Variants in UGT1A10 observed in about 807,000 individuals in gnomAD.
UGT1A10 encodes UDP glucuronosyltransferase family 1 member A10.
UGT1A10 carries 49 observed loss-of-function variants against 45.8 expected under a neutral mutation model. That is an observed-to-expected ratio of 1.07 (90% CI 0.85 to 1.36). UGT1A10 has a LOEUF of 1.36. Among genes scored for constraint, UGT1A10 ranks in the 40% most tolerant of loss-of-function variants. The pLI, the probability that UGT1A10 is intolerant of heterozygous loss-of-function variation, is 0.00. For missense variants in UGT1A10, 745 were observed against 668.6 expected (o/e 1.11, Z -1.26); for synonymous variants, 284 against 249.7 (o/e 1.14, Z -1.29).
rs773213473 is a variant in UGT1A10 at position 233,743,806 on chromosome 2, C to T, written c.856-23228C>T. 2.9e-6 allele frequency: 4 copies of T among 1,367,218 alleles called. No individual in the cohort carries two copies. The South Asian group carries it at 4.5e-5, about 16-fold the overall frequency. The allele number at this position is 1,367,218 out of a possible 1,614,324, so 84.7% of individuals were successfully genotyped here. On this transcript the variant is annotated intron_variant, in intron 1 of 4. Coordinates refer to ENST00000344644, the MANE Select transcript of UGT1A10 (RefSeq NM_019075.4). ...ATCTCCTCTCCGCTTCCTCCTTGTT[C>T]TCAGGGTTTTTGTCGGGGTGCCACT...
At chr2:233,755,961 C>T (rs1443749544) in intron 1 of UGT1A10, 1 of 152,160 alleles carries the variant, frequency 6.6e-6, no homozygotes, top group Non-Finnish European at 1.5e-5. Flanking sequence ...TAGTACTTGG[C>T]TCTATAGAGA....
At chr2:233,757,561 T>TATATATATATATATATATATATATAC (rs71058576) in intron 1 of UGT1A10, among the ~76,000 whole-genome samples, 1 of 121,178 alleles carries the variant, frequency 8.3e-6, no homozygotes, top group Non-Finnish European at 1.7e-5. Context: ...TATATATATA[T>TATATATATATATATATATATATATAC]GTATATATGA....
At chr2:233,761,999 A>C (rs1449541079) in intron 1 of UGT1A10, among the ~76,000 whole-genome samples, 1 of 152,130 alleles carries the variant, frequency 6.6e-6, no homozygotes, top group Non-Finnish European at 1.5e-5. Flanking sequence ...TATTTCCACT[A>C]TACCTCCAAT....
intron 1 of UGT1A10, among the ~76,000 whole-genome samples, chr2:233,681,328 G>A (rs1334523162): frequency 1.3e-5 from 2 of 151,954 alleles, no homozygotes; most frequent in Non-Finnish European, 1.5e-5. Context: ...GAGCTCAGGA[G>A]TTCGAGACCA....
chr2:233,636,759 C>T lies in UGT1A10; in HGVS notation c.237C>T (p.Thr79=). The T allele has an allele frequency of 6.2e-7, 1 of 1,614,150 alleles. No individual in the cohort carries two copies. The highest frequency in any genetic ancestry group is 8.5e-7 in the Non-Finnish European group (1 of 1,180,024). ...SLNCTVKTYS[T]SYTLEDQNRE... Reference sequence around the variant, plus strand: ...ATTGCACAGTGAAGACTTACTCAACCTCGTACACTCTGGAAGATCAGAACC... The same window carrying T: ...ATTGCACAGTGAAGACTTACTCAACTTCGTACACTCTGGAAGATCAGAACC... Residue 79 remains threonine (T), a synonymous_variant, in exon 1 of 5, where the codon ACC becomes ACT. Coordinates refer to ENST00000344644, the MANE Select transcript of UGT1A10 (RefSeq NM_019075.4).
chr2:233,731,474 C>T (rs1441120863), intron 1 of UGT1A10, among the ~76,000 whole-genome samples: 3 of 152,238 alleles, frequency 2.0e-5, no homozygotes, highest in Middle Eastern at 3.4e-3. Context: ...TGTGATGTTC[C>T]CTGGCCTGTG....
chr2:233,671,655 T>G (rs2074195582), intron 1 of UGT1A10, among the ~76,000 whole-genome samples: 1 of 152,252 alleles, frequency 6.6e-6, no homozygotes. Flanking sequence ...TTAATAATTC[T>G]GCTTCTAAAC....
intron 1 of UGT1A10, chr2:233,756,004 CTATT>C (rs1422603012): frequency 6.6e-6 from 1 of 152,210 alleles, no homozygotes; most frequent in Non-Finnish European, 1.5e-5. Flanking sequence ...TGCATTCTAT[CTATT>C]GTGATATTAC....
chr2:233,717,924 T>C (rs776585493), intron 1 of UGT1A10: 6 of 454,714 alleles, frequency 1.3e-5, no homozygotes, highest in South Asian at 3.1e-5. Context: ...GATGAATGGA[T>C]ACTTCAGTCT....
intron 1 of UGT1A10, chr2:233,760,299 G>A (rs781590934): frequency 6.2e-7 from 1 of 1,613,582 alleles, no homozygotes. Context: ...TGGCTGTGGA[G>A]TCCCAGGGCG....
At chr2:233,700,549 G>A (rs563571218) in intron 1 of UGT1A10, among the ~76,000 whole-genome samples, 28 of 151,836 alleles carry the variant, frequency 1.8e-4, no homozygotes, top group African/African-American at 6.3e-4. Flanking sequence ...GAGAATAAGG[G>A]GTTATAAAAA....
intron 1 of UGT1A10, chr2:233,755,110 CGT>C: frequency 7.5e-7 from 1 of 1,333,642 alleles, no homozygotes; most frequent in Non-Finnish European, 1.0e-6. Flanking sequence ...GACAACACCT[CGT>C]AGGCCTCAGC....
chr2:233,641,968 A>C (rs558165028), intron 1 of UGT1A10, among the ~76,000 whole-genome samples: 2 of 152,186 alleles, frequency 1.3e-5, no homozygotes, highest in Admixed American at 1.3e-4. Context: ...TTTGATTATT[A>C]AATGCCTTGA....
chr2:233,702,349 GT>G (rs545005076), intron 1 of UGT1A10, among the ~76,000 whole-genome samples: 17 of 151,212 alleles, frequency 1.1e-4, no homozygotes, highest in Middle Eastern at 3.4e-3. Flanking sequence ...TGTTCTAATA[GT>G]TTTTTTTTAG....
chr2:233,671,261 C>T (rs556711562), intron 1 of UGT1A10, among the ~76,000 whole-genome samples: 5 of 152,296 alleles, frequency 3.3e-5, no homozygotes, highest in Admixed American at 1.3e-4. Flanking sequence ...CCACTGCGTG[C>T]GATGTATCTT....
At chr2:233,691,254 C>T in intron 1 of UGT1A10, 2 of 985,546 alleles carry the variant, frequency 2.0e-6, no homozygotes, top group Non-Finnish European at 2.4e-6. Flanking sequence ...GAACTCAAAG[C>T]AAGATGCTGC....
chr2:233,769,111 C>T lies in UGT1A10; in HGVS notation c.1295+672C>T, dbSNP rs899905689. Among the ~76,000 whole-genome samples the T allele has an allele frequency of 3.9e-5, 6 of 152,132 alleles. No homozygotes were observed. Among genetic ancestry groups the T allele is most frequent in the African/African-American group, 1.4e-4 (6 of 41,418 alleles). ...CATAGTATCTTTAAGAGAAAAACAACTCAAATGCTTAGAAGTACAGCTTTT... is the reference window on the plus strand; with the variant it reads ...CATAGTATCTTTAAGAGAAAAACAATTCAAATGCTTAGAAGTACAGCTTTT... On this transcript the variant is annotated intron_variant, in intron 4 of 4. Coordinates refer to ENST00000344644, the MANE Select transcript of UGT1A10 (RefSeq NM_019075.4). This position sits in a 1 kb window ranked among gnomAD's most constrained non-coding sequence, Gnocchi z 4.4.
At chr2:233,717,670 G>GC (rs2076597082) in intron 1 of UGT1A10, 1 of 419,050 alleles carries the variant, frequency 2.4e-6, no homozygotes, top group African/African-American at 2.0e-5. Context: ...CAGCAATCTT[G>GC]CGAGCACATG....
chr2:233,719,383 C>G (rs778111484), intron 1 of UGT1A10: 11 of 1,613,932 alleles, frequency 6.8e-6, no homozygotes, highest in Non-Finnish European at 9.3e-6. Flanking sequence ...ACACAGTGTC[C>G]AAATCCTTCC....
Sources: gnomAD v4.1 joint callset for allele counts (sites outside exome capture counted in the v4.1 genomes callset) on GRCh38, gnomAD v4.1.1 for gene constraint, Gnocchi (gnomAD v3.1) non-coding constraint, MANE v1.5 for transcripts, NCBI Gene and HGNC (gene_info 2026-07-23, HGNC 2026-07-21) for gene names.